Variants in NUBP1 observed in about 807,000 individuals in gnomAD.
NUBP1 encodes cytosolic Fe-S cluster assembly factor NUBP1.
NUBP1 carries 46 observed loss-of-function variants against 41.8 expected under a neutral mutation model. The observed-to-expected ratio is 1.10, with a 90% CI of 0.87 to 1.41. The LOEUF (loss-of-function observed/expected upper bound fraction) is 1.41, where lower values mean the gene tolerates loss of function less well. Ranked by LOEUF, NUBP1 falls within the 40% of genes most tolerant of loss-of-function variation. The pLI, the probability that NUBP1 is intolerant of heterozygous loss-of-function variation, is 0.00. For synonymous variants in NUBP1, 189 were observed against 154.6 expected (o/e 1.22, Z -1.65); for missense variants, 494 against 414.0 (o/e 1.19, Z -1.68).
chr16:10,757,765 C>G lies in NUBP1; in HGVS notation c.452-108C>G, dbSNP rs911978224. 1.4e-6 allele frequency: 2 copies of G among 1,405,414 alleles called. No individual in the cohort carries two copies. The highest frequency in any genetic ancestry group is 1.4e-5 in the African/African-American group (1 of 69,802). 87.1% of individuals were successfully genotyped at this position (1,405,414 alleles called of 1,614,324 possible). A position where few individuals can be genotyped will look rare whatever the true frequency, so the allele number is the denominator to read the frequency against. ...ATTGCTTGAGCCTCAGAGTTAAGAG[C>G]CAACCTGGGCAACATAGCAAGACCC... is the stretch of plus-strand genomic sequence containing the variant. On this transcript the variant is annotated intron_variant, in intron 6 of 10. Transcript: ENST00000283027. The surrounding 1 kb of genome is among the most constrained non-coding windows in gnomAD (Gnocchi z 4.1).
At position 10,756,742 on chromosome 16, in the gene NUBP1, C is replaced by A. The variant is rs1256592468; in HGVS notation, c.413C>A (p.Pro138His). 11 of 1,588,536 alleles carry A rather than the reference C, an allele frequency of 6.9e-6. No individual in the cohort carries two copies. Among genetic ancestry groups the A allele is most frequent in the Non-Finnish European group, 7.7e-6 (9 of 1,170,432 alleles). The change falls in exon 6 of 11, where the codon CCT becomes CAT. Residue 138 changes from proline to histidine, a missense_variant. Pro to His is a moderately conservative substitution (Grantham distance 77). Transcript: ENST00000283027. ...VMSVGFLLSS[P>H]DDAVIWRGPK... is the part of the protein sequence containing the mutation. ...TCAGTGGGCTTCCTGCTCAGCAGTC[C>A]TGATGATGCTGTTATCTGGAGGGGA...
chr16:10,768,140 C>T lies in NUBP1; in HGVS notation c.904+108C>T. On this transcript the variant is annotated intron_variant, in intron 10 of 10. Transcript: ENST00000283027. The surrounding 1 kb of genome is among the most constrained non-coding windows in gnomAD (Gnocchi z 4.3). ...TGGGTGGTGGGGTCTGTGATGACCA[C>T]AGAGTGGCCCCCATAGCCGAGGAAG... 1.4e-5 allele frequency: 13 copies of T among 962,288 alleles called. No homozygotes were observed. The highest frequency in any genetic ancestry group is 2.1e-5 in the Non-Finnish European group (13 of 621,840). The allele number at this position is 962,288 out of a possible 1,614,324, so 59.6% of individuals were successfully genotyped here.
intron 3 of NUBP1, among the ~76,000 whole-genome samples, chr16:10,751,175 G>C (rs1270698677): frequency 6.6e-6 from 1 of 152,052 alleles, no homozygotes; most frequent in African/African-American, 2.4e-5. Flanking sequence ...ACTCCCCAAG[G>C]GAGTGAAATT....
At chr16:10,763,001 G>A (rs2030238531) in intron 9 of NUBP1, among the ~76,000 whole-genome samples, 1 of 152,126 alleles carries the variant, frequency 6.6e-6, no homozygotes, top group Non-Finnish European at 1.5e-5. Flanking sequence ...TGAGGCCCTG[G>A]GTTCTGGCGT....
chr16:10,756,964 G>A (rs758787856), intron 6 of NUBP1, among the ~76,000 whole-genome samples, 184 bp downstream of exon 6: 12 of 152,232 alleles, frequency 7.9e-5, no homozygotes, highest in South Asian at 2.1e-4. Context: ...TTTCCATTAC[G>A]TAATTATAAA....
chr16:10,768,215 C>A lies in NUBP1; in HGVS notation c.904+183C>A. 2 of 457,878 alleles carry A rather than the reference C, an allele frequency of 4.4e-6. No individual in the cohort carries two copies. Among genetic ancestry groups the A allele is most frequent in the Non-Finnish European group, 7.8e-6 (2 of 257,150 alleles). 28.4% of individuals were successfully genotyped at this position (457,878 alleles called of 1,614,324 possible). On this transcript the variant is annotated intron_variant, in intron 10 of 10. Coordinates refer to ENST00000283027, the MANE Select transcript of NUBP1 (RefSeq NM_002484.4). This position sits in a 1 kb window ranked among gnomAD's most constrained non-coding sequence, Gnocchi z 4.3. Reference sequence around the variant, plus strand: ...AATGTGTGAGTATTGTGAATTAATTCATAGTTTAAAAAACATGGTGAGGGT... The same window carrying A: ...AATGTGTGAGTATTGTGAATTAATTAATAGTTTAAAAAACATGGTGAGGGT...
intron 4 of NUBP1, among the ~76,000 whole-genome samples, chr16:10,755,163 G>T (rs1441710370): frequency 6.6e-6 from 1 of 152,242 alleles, no homozygotes; most frequent in African/African-American, 2.4e-5. Flanking sequence ...TAAATCTGTT[G>T]AGAAAAGTAA....
In NUBP1 at chr16:10,769,147, A is replaced by C. The variant is rs1204265718; in HGVS notation, c.*42A>C. 6.3e-7 allele frequency: 1 copy of C among 1,591,738 alleles called. No homozygotes were observed. The highest frequency in any genetic ancestry group is 2.2e-5 in the East Asian group (1 of 44,740). On this transcript the variant is annotated 3_prime_UTR_variant, in exon 11 of 11. Transcript: ENST00000283027. ...GGACCAAGCAGTTACCGAGCGAGGC[A>C]CTCACTGGGCAGCACATCCAGCCAG...
intron 4 of NUBP1, 82 bp downstream of exon 4, chr16:10,752,760 G>C: frequency 9.0e-7 from 1 of 1,115,972 alleles, no homozygotes; most frequent in Non-Finnish European, 1.4e-6. Flanking sequence ...TCAACAAAGA[G>C]GCATGCGGAG....
Position 10,757,826 on chromosome 16 carries a change from A to G in NUBP1, c.452-47A>G. 1 of 1,592,912 alleles carries G rather than the reference A, an allele frequency of 6.3e-7. No homozygotes were observed. Among genetic ancestry groups the G allele is most frequent in the Non-Finnish European group, 8.6e-7 (1 of 1,164,772 alleles). On this transcript the variant is annotated intron_variant, in intron 6 of 10. Transcript: ENST00000283027. This position sits in a 1 kb window ranked among gnomAD's most constrained non-coding sequence, Gnocchi z 4.1. The stretch of plus-strand genomic sequence containing the variant: ...AAAAAAAAGAGGGAGTTGAAAGTAC[A>G]GAAAAGAAAGGAAAAGTAAGCATCC...
intron 9 of NUBP1, among the ~76,000 whole-genome samples, chr16:10,762,664 G>A (rs889118904): frequency 5.3e-5 from 8 of 152,218 alleles, no homozygotes; most frequent in African/African-American, 2.4e-5. Context: ...GGGAGGCCGG[G>A]ATCCAGGAGT....
chr16:10,764,486 T>C (rs974995959), intron 9 of NUBP1, among the ~76,000 whole-genome samples: 5 of 151,146 alleles, frequency 3.3e-5, no homozygotes, highest in Non-Finnish European at 7.4e-5. Flanking sequence ...TGTCAGTCTA[T>C]TGGAGCATCT....
Position 10,759,119 on chromosome 16 carries a change from T to G in NUBP1, c.606+1092T>G, listed in dbSNP as rs1567259772. Among the ~76,000 whole-genome samples, 1 of 152,146 alleles carries G rather than the reference T, an allele frequency of 6.6e-6. No individual in the cohort carries two copies. The highest frequency in any genetic ancestry group is 1.5e-5 in the Non-Finnish European group (1 of 68,022). On this transcript the variant is annotated intron_variant, in intron 7 of 10. Coordinates refer to ENST00000283027, the MANE Select transcript of NUBP1 (RefSeq NM_002484.4). The surrounding 1 kb of genome is among the most constrained non-coding windows in gnomAD (Gnocchi z 4.7). ...CAGAATCAGTCAGGACGACCCATAG[T>G]CTCACCTCATCCAGCACTCACTGAG...
intron 4 of NUBP1, among the ~76,000 whole-genome samples, chr16:10,755,247 T>C (rs987829308): frequency 2.0e-5 from 3 of 152,202 alleles, no homozygotes; most frequent in Non-Finnish European, 4.4e-5. Flanking sequence ...GGAAGAGGTC[T>C]GAATCTTGTT....
At chr16:10,752,776 A>G (rs909735200) in intron 4 of NUBP1, 98 bp downstream of exon 4, 1 of 1,026,224 alleles carries the variant, frequency 9.7e-7, no homozygotes, top group Admixed American at 2.0e-5. Flanking sequence ...CGGAGCCCAT[A>G]AATGTTTTTT....
In NUBP1 at chr16:10,765,968, G is replaced by A. The variant is rs551178247; in HGVS notation, c.821-1981G>A. 2.6e-5 allele frequency: 4 copies of A among 152,468 alleles called. No homozygotes were observed. Among genetic ancestry groups the A allele is most frequent in the Non-Finnish European group, 5.9e-5 (4 of 68,106 alleles). 9.4% of individuals were successfully genotyped at this position (152,468 alleles called of 1,614,324 possible). ...AACACTGTCACCCACCCAAGAGGGTGGAGCATGAGGGCCAAGTGACAGACA... is the reference window on the plus strand; with the variant it reads ...AACACTGTCACCCACCCAAGAGGGTAGAGCATGAGGGCCAAGTGACAGACA... On this transcript the variant is annotated intron_variant, in intron 9 of 10. Coordinates refer to ENST00000283027, the MANE Select transcript of NUBP1 (RefSeq NM_002484.4). This position sits in a 1 kb window ranked among gnomAD's most constrained non-coding sequence, Gnocchi z 4.0.
chr16:10,765,630 G>C lies in NUBP1; in HGVS notation c.821-2319G>C, dbSNP rs2030766964. On this transcript the variant is annotated intron_variant, in intron 9 of 10. Transcript: ENST00000283027. The surrounding 1 kb of genome is among the most constrained non-coding windows in gnomAD (Gnocchi z 4.0). The stretch of plus-strand genomic sequence containing the variant: ...AGTGACCTTGGGGCTATTAGATCCT[G>C]ATACGGCTTTTCTTCCAAAGAGCCA... Among the ~76,000 whole-genome samples, 1 of 152,208 alleles carries C rather than the reference G, an allele frequency of 6.6e-6. No homozygotes were observed. Among genetic ancestry groups the C allele is most frequent in the East Asian group, 1.9e-4 (1 of 5,198 alleles).
intron 4 of NUBP1, among the ~76,000 whole-genome samples, chr16:10,753,785 G>A (rs1361811272): frequency 1.3e-5 from 2 of 152,108 alleles, no homozygotes; most frequent in African/African-American, 2.4e-5. Context: ...AGGATGACAG[G>A]AGGGGAGAGC....
In NUBP1 at chr16:10,768,108, GGACA is replaced by G; in HGVS notation, c.904+78_904+81del. 2 of 1,395,806 alleles carry G rather than the reference GGACA, an allele frequency of 1.4e-6. No homozygotes were observed. Among genetic ancestry groups the G allele is most frequent in the Non-Finnish European group, 2.0e-6 (2 of 989,880 alleles). 86.5% of individuals were successfully genotyped at this position (1,395,806 alleles called of 1,614,324 possible). ...ACATAAAGGAGCCAGGGGTGTGGAA[GGACA>G]GGTGGGTGGTGGGGTCTGTGATGAC... On this transcript the variant is annotated intron_variant, in intron 10 of 10. Transcript: ENST00000283027. This position sits in a 1 kb window ranked among gnomAD's most constrained non-coding sequence, Gnocchi z 4.3.
Sources: gnomAD v4.1 joint callset for allele counts (sites outside exome capture counted in the v4.1 genomes callset) on GRCh38, gnomAD v4.1.1 for gene constraint, Gnocchi (gnomAD v3.1) non-coding constraint, MANE v1.5 for transcripts, NCBI Gene and HGNC (gene_info 2026-07-23, HGNC 2026-07-21) for gene names.